The following C8orf76 variants were observed in gnomAD, a reference collection of about 807,000 sequenced individuals.
The protein encoded by C8orf76 is uncharacterized protein C8orf76.
C8orf76 carries 46 observed loss-of-function variants against 38.1 expected under a neutral mutation model. The ratio of observed to expected loss-of-function variants is 1.21; its 90% CI spans 0.95 to 1.54. The LOEUF (loss-of-function observed/expected upper bound fraction) is 1.54, where lower values mean the gene tolerates loss of function less well. C8orf76 is among the 40% of genes most tolerant of loss of function. The pLI is 0.00. For missense variants in C8orf76, 461 were observed against 441.6 expected (o/e 1.04, Z -0.39); for synonymous variants, 166 against 167.5 (o/e 0.99, Z 0.07).
At chr8:123,239,428 G>A (rs1825603487) in intron 1 of C8orf76, 1 of 263,704 alleles carries the variant, frequency 3.8e-6, no homozygotes, top group Non-Finnish European at 7.5e-6. Flanking sequence ...ACTGGAATAG[G>A]GATTGACAAT....
chr8:123,228,090 T>C (rs1825111219), intron 4 of C8orf76, among the ~76,000 whole-genome samples: 1 of 152,170 alleles, frequency 6.6e-6, no homozygotes, highest in Non-Finnish European at 1.5e-5. Flanking sequence ...CATCCACCTG[T>C]GCATCCTCGA....
intron 4 of C8orf76, among the ~76,000 whole-genome samples, chr8:123,230,009 C>G (rs529034236): frequency 7.3e-5 from 11 of 151,412 alleles, no homozygotes; most frequent in South Asian, 2.1e-4. Flanking sequence ...AGAGCAACTC[C>G]GTCTCAAAAA....
Position 123,231,433 on chromosome 8 carries a change from C to A in C8orf76, c.682G>T (p.Val228Leu). The A allele has an allele frequency of 6.2e-7, 1 of 1,614,186 alleles. No homozygotes were observed. Among genetic ancestry groups the A allele is most frequent in the Non-Finnish European group, 8.5e-7 (1 of 1,180,030 alleles). ...ETLPESSLFS[V>L]EANSSNSQKN... ...TGGCTATTACTGCTATTCGCTTCCACAGAAAATAAAGAGCTCTCAGGCAAG... is the reference window on the plus strand; with the variant it reads ...TGGCTATTACTGCTATTCGCTTCCAAAGAAAATAAAGAGCTCTCAGGCAAG... Residue 228 changes from valine (V) to leucine (L), a missense_variant, in exon 4 of 6, where the codon GTG becomes TTG. Coordinates refer to ENST00000276704, the MANE Select transcript of C8orf76 (RefSeq NM_032847.3).
chr8:123,224,239 A>G (rs192153848), intron 5 of C8orf76, among the ~76,000 whole-genome samples: 2 of 152,362 alleles, frequency 1.3e-5, no homozygotes, highest in African/African-American at 4.8e-5. Context: ...AAAGAATTAC[A>G]AACAGGAAAA....
intron 3 of C8orf76, among the ~76,000 whole-genome samples, chr8:123,235,516 C>G (rs550704577): frequency 3.0e-4 from 45 of 152,228 alleles, no homozygotes; most frequent in African/African-American, 1.1e-3. Flanking sequence ...GAATGCCGTG[C>G]AGACACGCAA....
intron 5 of C8orf76, among the ~76,000 whole-genome samples, chr8:123,225,956 T>C (rs1384098796): frequency 6.6e-6 from 1 of 151,220 alleles, no homozygotes; most frequent in East Asian, 1.9e-4. Context: ...AAGGTTTACA[T>C]GTTAGTTTAA....
chr8:123,234,111 G>A (rs1357264488), intron 3 of C8orf76, among the ~76,000 whole-genome samples: 6 of 152,010 alleles, frequency 3.9e-5, no homozygotes, highest in Non-Finnish European at 8.8e-5. Context: ...ACATGATGAT[G>A]ACAGTTAACA....
chr8:123,231,884 G>C, intron 3 of C8orf76, 127 bp from the exon 4 acceptor site: 1 of 987,940 alleles, frequency 1.0e-6, no homozygotes. Flanking sequence ...CTATACGAGT[G>C]ACCTAAATAT....
intron 4 of C8orf76, 75 bp from the exon 5 acceptor site, chr8:123,226,707 G>A (rs1206968487): frequency 3.7e-5 from 55 of 1,506,456 alleles, no homozygotes; most frequent in Non-Finnish European, 4.7e-5. Flanking sequence ...GCGAGGAAAT[G>A]TTCAGAAAGC....
intron 5 of C8orf76, among the ~76,000 whole-genome samples, chr8:123,224,888 C>G (rs1563796857): frequency 6.6e-6 from 1 of 152,284 alleles, no homozygotes; most frequent in East Asian, 1.9e-4. Context: ...GCTATCTATT[C>G]AAGCAATCAC....
intron 4 of C8orf76, among the ~76,000 whole-genome samples, chr8:123,227,110 A>G (rs968128699): frequency 3.9e-5 from 6 of 152,160 alleles, no homozygotes; most frequent in African/African-American, 1.4e-4. Context: ...TAGATTCGCT[A>G]GCACACTTCA....
intron 1 of C8orf76, among the ~76,000 whole-genome samples, chr8:123,240,747 T>C (rs1825654527): frequency 6.6e-6 from 1 of 152,170 alleles, no homozygotes; most frequent in Non-Finnish European, 1.5e-5. Context: ...AGAAAAGACT[T>C]CCTAGAGGAG....
intron 5 of C8orf76, among the ~76,000 whole-genome samples, chr8:123,221,608 G>T (rs1408339762): frequency 6.6e-6 from 1 of 152,138 alleles, no homozygotes; most frequent in Non-Finnish European, 1.5e-5. Flanking sequence ...GCTAATTTTT[G>T]TATTTTTAGT....
intron 2 of C8orf76, 95 bp from the exon 3 acceptor site, chr8:123,238,036 G>T: frequency 7.1e-7 from 1 of 1,402,228 alleles, no homozygotes; most frequent in Non-Finnish European, 9.5e-7. Context: ...TAGGTGGAAA[G>T]TAATGTTATA....
At chr8:123,231,163 G>A (rs1442993929) in intron 4 of C8orf76, 137 bp downstream of exon 4, 7 of 1,099,058 alleles carry the variant, frequency 6.4e-6, no homozygotes, top group Non-Finnish European at 8.8e-6. Context: ...AATGACAAAC[G>A]TTCAACACAA....
In C8orf76 at chr8:123,231,331, G is replaced by C. The variant is rs764163963; in HGVS notation, c.784C>G (p.Leu262Val). Residue 262 changes from leucine to valine, a missense_variant, in exon 4 of 6, where the codon CTG (leucine) becomes GTG (valine). Coordinates refer to ENST00000276704, the MANE Select transcript of C8orf76 (RefSeq NM_032847.3). The part of the protein sequence containing the change: ...KRETVLIETQ[L>V]KACASFIRTR... ...CGTATAAAAGAGGCACATGCTTTCA[G>C]CTGAGTCTCTATCAACACTGTTTCT... The C allele has an allele frequency of 1.1e-5, 17 of 1,612,458 alleles. No homozygotes were observed. Among genetic ancestry groups the C allele is most frequent in the Non-Finnish European group, 1.4e-5 (16 of 1,179,530 alleles).
chr8:123,241,168 G>C (rs961909107), intron 1 of C8orf76, 62 bp downstream of exon 1: 14 of 1,464,732 alleles, frequency 9.6e-6, no homozygotes, highest in South Asian at 3.8e-5. Flanking sequence ...GGCCGGGGCC[G>C]GGGCCCCGCG....
At position 123,241,327 on chromosome 8, in the gene C8orf76, A is replaced by C; in HGVS notation, c.20T>G (p.Leu7Trp). Residue 7 changes from leucine (L) to tryptophan (W), a missense_variant, in exon 1 of 6, where the codon TTG (leucine) becomes TGG (tryptophan). Physicochemically the swap from Leu to Trp is moderately conservative, Grantham distance 61. Transcript: ENST00000276704. ...CGAGTCCTCGAACTCGCCGCCGAAC[A>C]ACCAGCACCCGGAATCCATCTCGCG... MDSGCW[L>W]FGGEFEDSVF... The C allele has an allele frequency of 1.3e-6, 2 of 1,570,626 alleles. No homozygotes were observed. Among genetic ancestry groups the C allele is most frequent in the Non-Finnish European group, 1.7e-6 (2 of 1,163,974 alleles).
chr8:123,237,124 C>A, intron 3 of C8orf76: 1 of 919,048 alleles, frequency 1.1e-6, no homozygotes. Flanking sequence ...TGATCTGCCG[C>A]AAGTGCTGTG....
Sources: gnomAD v4.1 joint callset for allele counts (sites outside exome capture counted in the v4.1 genomes callset) on GRCh38, gnomAD v4.1.1 for gene constraint, MANE v1.5 for transcripts, NCBI Gene and HGNC (gene_info 2026-07-23, HGNC 2026-07-21) for gene names.